Variants in SHISA6 observed in about 807,000 individuals in gnomAD.
SHISA6 encodes protein shisa-6.
Under a neutral mutation model 47.9 loss-of-function variants are expected in SHISA6, and 22 were observed. The observed-to-expected ratio is 0.46, with a 90% confidence interval of 0.33 to 0.66. The LOEUF (loss-of-function observed/expected upper bound fraction) is 0.66, where lower values mean the gene tolerates loss of function less well. Among genes scored for constraint, SHISA6 ranks in the 30% least tolerant of loss-of-function variants. The pLI is 0.02. For missense variants in SHISA6, 680 were observed against 764.6 expected (o/e 0.89, Z 1.30); for synonymous variants, 388 against 337.8 (o/e 1.15, Z -1.63).
chr17:11,523,024 T>C (rs182127125), intron 3 of SHISA6, among the ~76,000 whole-genome samples: 1 of 152,212 alleles, frequency 6.6e-6, no homozygotes, highest in East Asian at 1.9e-4. Flanking sequence ...TTTTTCTTCT[T>C]TTGCCAACGT....
At chr17:11,332,173 A>G (rs1911143910) in intron 2 of SHISA6, among the ~76,000 whole-genome samples, 1 of 151,980 alleles carries the variant, frequency 6.6e-6, no homozygotes, top group Admixed American at 6.5e-5. Context: ...AAAAGTGAAG[A>G]CAAGTGAGCG....
At chr17:11,428,309 T>C (rs1914656742) in intron 3 of SHISA6, among the ~76,000 whole-genome samples, 2 of 152,186 alleles carry the variant, frequency 1.3e-5, no homozygotes, top group South Asian at 4.1e-4. Flanking sequence ...GAAATGTGGA[T>C]GTGCTCAGTC....
At chr17:11,405,748 T>TCGAG (rs2142267950) in intron 3 of SHISA6, among the ~76,000 whole-genome samples, 1 of 151,194 alleles carries the variant, frequency 6.6e-6, no homozygotes, top group South Asian at 2.1e-4. Flanking sequence ...TTGCAGTGAG[T>TCGAG]CGAGACCACG....
intron 2 of SHISA6, among the ~76,000 whole-genome samples, chr17:11,311,932 C>T (rs367824581): frequency 3.9e-4 from 60 of 152,154 alleles, no homozygotes; most frequent in African/African-American, 1.2e-3. Context: ...TGTGCCACCA[C>T]GCCTGGCTAA....
At chr17:11,442,324 C>T (rs1347074312) in intron 3 of SHISA6, among the ~76,000 whole-genome samples, 1 of 121,876 alleles carries the variant, frequency 8.2e-6, no homozygotes, top group Non-Finnish European at 2.0e-5. Context: ...ACCCGCCAAT[C>T]GAGACCCTTA....
intron 1 of SHISA6, among the ~76,000 whole-genome samples, chr17:11,242,749 C>G (rs1203813648): frequency 6.6e-6 from 1 of 152,160 alleles, no homozygotes; most frequent in African/African-American, 2.4e-5. Flanking sequence ...GGTGGGGCAT[C>G]TTTCACTGCT....
At chr17:11,389,842 TCTA>T (rs1437017744) in intron 3 of SHISA6, among the ~76,000 whole-genome samples, 11 of 152,216 alleles carry the variant, frequency 7.2e-5, no homozygotes, top group African/African-American at 2.4e-4. Flanking sequence ...TCCCTCATTC[TCTA>T]CTGCTCACTG....
chr17:11,264,568 C>G (rs780888071), intron 2 of SHISA6, among the ~76,000 whole-genome samples: 18 of 152,158 alleles, frequency 1.2e-4, no homozygotes, highest in South Asian at 2.1e-4. Flanking sequence ...TGGTACTAAT[C>G]CTAGTCCCAG....
intron 3 of SHISA6, among the ~76,000 whole-genome samples, chr17:11,524,035 A>AAAAG (rs1260561015): frequency 6.6e-6 from 1 of 151,558 alleles, no homozygotes; most frequent in Admixed American, 6.6e-5. Context: ...GAAAGAAAAG[A>AAAAG]AAAGAAAGAA....
rs115057003 is a variant in SHISA6, at chr17:11,280,436, C to T, written c.799+16910C>T. Among the ~76,000 whole-genome samples the T allele has an allele frequency of 9.2e-3, 1,399 of 152,296 alleles. 25 individuals are homozygous for T. The highest frequency in any genetic ancestry group is 0.032 in the African/African-American group (1,320 of 41,566). On this transcript the variant is annotated intron_variant, in intron 2 of 5. Coordinates refer to ENST00000441885, the MANE Select transcript of SHISA6 (RefSeq NM_207386.4). Reference sequence around the variant, plus strand: ...TTAAGAATAAGGTGCTGCATGTAGGCGTCTGGCGAGAGAGGTTGCAATACA... The same window carrying T: ...TTAAGAATAAGGTGCTGCATGTAGGTGTCTGGCGAGAGAGGTTGCAATACA...
At chr17:11,317,362 T>C (rs749822425) in intron 2 of SHISA6, among the ~76,000 whole-genome samples, 196 of 152,182 alleles carry the variant, frequency 1.3e-3, no homozygotes, top group Non-Finnish European at 2.2e-3. Flanking sequence ...TTATCTGTTT[T>C]GATGCTTTTT....
intron 1 of SHISA6, among the ~76,000 whole-genome samples, chr17:11,243,297 G>A (rs995149998): frequency 6.6e-6 from 1 of 151,548 alleles, no homozygotes; most frequent in South Asian, 2.1e-4. Flanking sequence ...TGTTAAAAGA[G>A]CTGATTTTTT....
At chr17:11,294,648 A>C (rs1456013436) in intron 2 of SHISA6, among the ~76,000 whole-genome samples, 1 of 152,188 alleles carries the variant, frequency 6.6e-6, no homozygotes, top group Non-Finnish European at 1.5e-5. Context: ...AGTCAAATAC[A>C]GTATTCCTCC....
rs371530736 is a variant in SHISA6 at position 11,525,652 on chromosome 17, CAA to C, written c.896-26232_896-26231del. On this transcript the variant is annotated intron_variant, in intron 3 of 5. Coordinates refer to ENST00000441885, the MANE Select transcript of SHISA6 (RefSeq NM_207386.4). ...GTCTCAAAAAAAAAAAAAAAAAAAACAAAAAAAAAAAAACGTGTTATAATAAA... is the reference window on the plus strand; with the variant it reads ...GTCTCAAAAAAAAAAAAAAAAAAAACAAAAAAAAAAACGTGTTATAATAAA... Among the ~76,000 whole-genome samples, 79 of 104,308 alleles carry C rather than the reference CAA, an allele frequency of 7.6e-4. 1 individual carries two copies. Among genetic ancestry groups the C allele is most frequent in the South Asian group, 1.6e-3 (5 of 3,134 alleles). 68.4% of individuals were successfully genotyped at this position (104,308 alleles called of 152,430 possible). A position where few individuals can be genotyped will look rare whatever the true frequency, so the allele number is the denominator to read the frequency against.
At chr17:11,333,538 G>A (rs1421729894) in intron 2 of SHISA6, among the ~76,000 whole-genome samples, 2 of 151,796 alleles carry the variant, frequency 1.3e-5, no homozygotes, top group Non-Finnish European at 2.9e-5. Context: ...ATTTTGAGAT[G>A]GAGTCTCACT....
intron 2 of SHISA6, among the ~76,000 whole-genome samples, chr17:11,275,251 A>G (rs1168084284): frequency 1.3e-5 from 2 of 151,690 alleles, no homozygotes; most frequent in African/African-American, 2.4e-5. Context: ...CAAATGGCTC[A>G]GTTGTTCTAA....
rs77935253 is a variant in SHISA6 at position 11,243,046 on chromosome 17, C to T, written c.638+986C>T. Among the ~76,000 whole-genome samples, 98 of 152,048 alleles carry T rather than the reference C, an allele frequency of 6.4e-4. No individual in the cohort carries two copies. In the East Asian group the frequency reaches 0.016, roughly 25 times the overall value. ...TCCTCTCAGGGAACAAACCCTGCCC[C>T]GGGAGATGCCTCCATTTCTGTTGCA... On this transcript the variant is annotated intron_variant, in intron 1 of 5. Transcript: ENST00000441885.
chr17:11,509,503 C>T (rs1389177782), intron 3 of SHISA6, among the ~76,000 whole-genome samples: 1 of 152,144 alleles, frequency 6.6e-6, no homozygotes, highest in Admixed American at 6.5e-5. Flanking sequence ...GTGGTGTAAC[C>T]AGCACGAACA....
intron 3 of SHISA6, among the ~76,000 whole-genome samples, chr17:11,412,599 T>C (rs987515292): frequency 6.6e-6 from 1 of 151,890 alleles, no homozygotes; most frequent in Admixed American, 6.6e-5. Context: ...TGGAGTGCAG[T>C]GGCGCGATCT....
Sources: allele counts gnomAD v4.1 joint callset (sites outside exome capture counted in the v4.1 genomes callset), GRCh38; gene constraint gnomAD v4.1.1; transcripts MANE v1.5; gene names NCBI Gene and HGNC (gene_info 2026-07-23, HGNC 2026-07-21).